The following KIAA1217 variants were observed in gnomAD, a reference collection of about 807,000 sequenced individuals.
KIAA1217 encodes the protein sickle tail protein homolog.
Under a neutral mutation model 163.9 loss-of-function variants are expected in KIAA1217, and 88 were observed. That is an observed-to-expected ratio of 0.54 (90% CI 0.45 to 0.64). The LOEUF is 0.64. Among genes scored for constraint, KIAA1217 ranks in the 30% least tolerant of loss-of-function variants. The pLI is 0.00. For synonymous variants in KIAA1217, 903 were observed against 923.1 expected, an observed-to-expected ratio of 0.98 and a Z score of 0.39; for missense variants, 2,372 against 2,475.0, an observed-to-expected ratio of 0.96 and a Z score of 0.88.
intron 1 of KIAA1217, among the ~76,000 whole-genome samples, chr10:23,706,838 C>G (rs977111217): frequency 1.6e-4 from 24 of 152,068 alleles, no homozygotes; most frequent in Non-Finnish European, 2.6e-4. Context: ...AGAAGGAAGT[C>G]TAGGGCTGAT....
intron 2 of KIAA1217, among the ~76,000 whole-genome samples, chr10:24,247,813 T>A (rs1201761088): frequency 1.3e-5 from 2 of 151,978 alleles, no homozygotes; most frequent in Non-Finnish European, 2.9e-5. Flanking sequence ...AGGAAAAAAA[T>A]TTCTGGAATG....
chr10:24,408,509 A>G (rs2057444581), intron 3 of KIAA1217, among the ~76,000 whole-genome samples: 1 of 152,070 alleles, frequency 6.6e-6, no homozygotes, highest in Admixed American at 6.6e-5. Context: ...TCTATTCAAT[A>G]TACTGCGTGG....
At position 24,501,362 on chromosome 10, in the gene KIAA1217, A is replaced by G. The variant is rs1209537965; in HGVS notation, c.1835-17A>G. On this transcript the variant is annotated splice_polypyrimidine_tract_variant and intron_variant, in intron 8 of 20. Transcript: ENST00000376454. The stretch of plus-strand genomic sequence containing the variant: ...CCTTTGTGGCCTTCTGAGTTCTCTG[A>G]TGCACTTTTCTCATAGGAACGCCCC... The G allele has an allele frequency of 6.3e-7, 1 of 1,599,706 alleles. No homozygotes were observed. Among genetic ancestry groups the G allele is most frequent in the Non-Finnish European group, 8.6e-7 (1 of 1,168,754 alleles).
chr10:23,939,868 G>A (rs1256765422), intron 1 of KIAA1217, among the ~76,000 whole-genome samples: 1 of 150,586 alleles, frequency 6.6e-6, no homozygotes, highest in Non-Finnish European at 1.5e-5. Context: ...TATTTTGGAC[G>A]AGTAGCTATA....
chr10:23,702,512 A>G (rs1030827800), intron 1 of KIAA1217, among the ~76,000 whole-genome samples: 31 of 152,112 alleles, frequency 2.0e-4, no homozygotes, highest in African/African-American at 7.0e-4. Flanking sequence ...AAATAATACT[A>G]TAGTTTGCTT....
chr10:24,286,273 A>G (rs2078530780), intron 2 of KIAA1217, among the ~76,000 whole-genome samples: 1 of 151,896 alleles, frequency 6.6e-6, no homozygotes, highest in Non-Finnish European at 1.5e-5. Flanking sequence ...AACTTTACTT[A>G]TTTTTCACAC....
At chr10:23,967,401 G>A (rs2131383941) in intron 1 of KIAA1217, among the ~76,000 whole-genome samples, 1 of 152,200 alleles carries the variant, frequency 6.6e-6, no homozygotes, top group South Asian at 2.1e-4. Flanking sequence ...TGCAATACAT[G>A]TGTCTTTCAG....
intron 8 of KIAA1217, 120 bp from the exon 9 acceptor site, chr10:24,501,259 T>A: frequency 1.2e-6 from 1 of 812,404 alleles, no homozygotes; most frequent in Non-Finnish European, 1.9e-6. Flanking sequence ...TATATGCATA[T>A]TTTTTGTAAT....
At chr10:24,230,747 T>C (rs1590081245) in intron 2 of KIAA1217, among the ~76,000 whole-genome samples, 2 of 152,234 alleles carry the variant, frequency 1.3e-5, no homozygotes, top group East Asian at 3.9e-4. Flanking sequence ...CCCAGGCTGA[T>C]CTTGAACTCC....
At chr10:24,483,206 C>G (rs916028145) in intron 6 of KIAA1217, among the ~76,000 whole-genome samples, 6 of 152,190 alleles carry the variant, frequency 3.9e-5, no homozygotes, top group African/African-American at 1.2e-4. Flanking sequence ...AGGATGGGAG[C>G]TACTCTAGTT....
intron 2 of KIAA1217, among the ~76,000 whole-genome samples, chr10:24,226,354 C>T (rs542804728): frequency 1.2e-4 from 19 of 152,134 alleles, no homozygotes; most frequent in East Asian, 7.7e-4. Context: ...TGACTGGGTG[C>T]GGTGGCTCAC....
At chr10:23,998,468 G>A (rs1846600677) in intron 1 of KIAA1217, among the ~76,000 whole-genome samples, 1 of 152,166 alleles carries the variant, frequency 6.6e-6, no homozygotes, top group African/African-American at 2.4e-5. Flanking sequence ...TCAAATACAT[G>A]GGAGGCCAAT....
intron 6 of KIAA1217, among the ~76,000 whole-genome samples, chr10:24,485,087 C>T (rs932000221): frequency 2.9e-5 from 4 of 137,310 alleles, no homozygotes; most frequent in African/African-American, 2.6e-5. Flanking sequence ...TGGACCTGCC[C>T]GCTTTTTTTT....
At chr10:24,183,719 C>T (rs11013940) in intron 2 of KIAA1217, among the ~76,000 whole-genome samples, 1 of 152,112 alleles carries the variant, frequency 6.6e-6, no homozygotes, top group Non-Finnish European at 1.5e-5. Flanking sequence ...AGGAAACAAC[C>T]ATTTATTCCC....
chr10:23,971,966 C>T (rs1039384842), intron 1 of KIAA1217, among the ~76,000 whole-genome samples: 5 of 152,162 alleles, frequency 3.3e-5, no homozygotes, highest in South Asian at 2.1e-4. Context: ...CTGGAATCCA[C>T]CTATGACCAG....
intron 2 of KIAA1217, among the ~76,000 whole-genome samples, chr10:24,133,608 A>G (rs997761449): frequency 6.6e-6 from 1 of 151,798 alleles, no homozygotes; most frequent in Admixed American, 6.6e-5. Context: ...TATTCCTCTT[A>G]TCTCTCTTCT....
chr10:24,221,898 G>A (rs2069704511), intron 2 of KIAA1217, among the ~76,000 whole-genome samples: 1 of 152,186 alleles, frequency 6.6e-6, no homozygotes. Flanking sequence ...TTAACTGGGT[G>A]TGGTGGCACA....
chr10:23,857,409 T>C (rs1412071784), intron 1 of KIAA1217, among the ~76,000 whole-genome samples: 1 of 152,046 alleles, frequency 6.6e-6, no homozygotes, highest in Non-Finnish European at 1.5e-5. Context: ...GAGAATAAAA[T>C]GGTCAATTAA....
chr10:24,268,544 A>C (rs2076457129), intron 2 of KIAA1217, among the ~76,000 whole-genome samples: 1 of 146,968 alleles, frequency 6.8e-6, no homozygotes, highest in Non-Finnish European at 1.5e-5. Context: ...GCAATCATTA[A>C]AAAGTCAGGA....
Sources: gnomAD v4.1 joint callset for allele counts (sites outside exome capture counted in the v4.1 genomes callset) on GRCh38, gnomAD v4.1.1 for gene constraint, MANE v1.5 for transcripts, NCBI Gene and HGNC (gene_info 2026-07-23, HGNC 2026-07-21) for gene names.